PLPP4: variants seen among roughly 807,000 people sequenced by gnomAD.
PLPP4 encodes the protein diacylglycerol pyrophosphate like 2.
Under a neutral mutation model 32.2 loss-of-function variants are expected in PLPP4, and 20 were observed. That is an observed-to-expected ratio of 0.62 (90% confidence interval 0.44 to 0.90). The LOEUF is 0.90. Among genes scored for constraint, PLPP4 ranks in the 40% least tolerant of loss-of-function variants. The probability of loss-of-function intolerance (pLI) is 0.00; values close to 1 mark genes in which losing one functional copy is unlikely to be tolerated. For synonymous variants in PLPP4, 127 were observed against 133.0 expected (o/e 0.95, Z 0.31); for missense variants, 257 against 353.1 (o/e 0.73, Z 2.18).
chr10:120,487,325 A>G (rs1244887364), intron 1 of PLPP4, among the ~76,000 whole-genome samples: 1 of 152,208 alleles, frequency 6.6e-6, no homozygotes, highest in East Asian at 1.9e-4. Context: ...TTGAGATGGG[A>G]AGGCAACTCT....
intron 6 of PLPP4, among the ~76,000 whole-genome samples, chr10:120,585,413 T>A (rs1849705801): frequency 6.6e-6 from 1 of 152,112 alleles, no homozygotes; most frequent in Non-Finnish European, 1.5e-5. Context: ...AGAGGTGAGA[T>A]CTGTAAGCTT....
intron 1 of PLPP4, among the ~76,000 whole-genome samples, chr10:120,492,841 A>G (rs1223845027): frequency 1.3e-5 from 2 of 152,186 alleles, no homozygotes; most frequent in Admixed American, 6.5e-5. Context: ...ATGATCCCCT[A>G]TATGCTCTAC....
intron 3 of PLPP4, among the ~76,000 whole-genome samples, chr10:120,517,199 G>C (rs1328230997): frequency 6.6e-6 from 1 of 152,160 alleles, no homozygotes; most frequent in African/African-American, 2.4e-5. Context: ...GGCCATGCTA[G>C]GACCAGGATG....
chr10:120,567,734 C>T (rs373219741), intron 5 of PLPP4, among the ~76,000 whole-genome samples: 14 of 152,190 alleles, frequency 9.2e-5, no homozygotes, highest in East Asian at 1.9e-4. Flanking sequence ...GCAAAAGTTA[C>T]AAGAGATGAA....
chr10:120,483,683 T>G (rs189330673), intron 1 of PLPP4, among the ~76,000 whole-genome samples: 11 of 152,356 alleles, frequency 7.2e-5, no homozygotes, highest in Admixed American at 7.2e-4. Context: ...ATTGGATCCC[T>G]TAAGAGTAGA....
chr10:120,586,135 CT>C (rs11364962), intron 6 of PLPP4, among the ~76,000 whole-genome samples: 81,730 of 141,568 alleles, frequency 0.58, 23,449 homozygotes, highest in Middle Eastern at 0.76. Context: ...TTCTTTTTTT[CT>C]TTTTTTTTTT....
At chr10:120,543,096 A>G (rs1436828741) in intron 5 of PLPP4, among the ~76,000 whole-genome samples, 1 of 152,134 alleles carries the variant, frequency 6.6e-6, no homozygotes, top group Non-Finnish European at 1.5e-5. Flanking sequence ...CTTGGTAGAG[A>G]TGAGCAGTAG....
At chr10:120,507,569 G>A (rs1226726607) in intron 2 of PLPP4, among the ~76,000 whole-genome samples, 1 of 152,204 alleles carries the variant, frequency 6.6e-6, no homozygotes, top group East Asian at 1.9e-4. Flanking sequence ...TTATACAACT[G>A]TCAGTGGCTG....
At chr10:120,577,765 A>G (rs759378166) in intron 6 of PLPP4, among the ~76,000 whole-genome samples, 7 of 152,180 alleles carry the variant, frequency 4.6e-5, no homozygotes, top group Non-Finnish European at 1.0e-4. Flanking sequence ...CTCTGCCATT[A>G]TGTGTTCAAC....
chr10:120,564,606 G>A (rs1203563291), intron 5 of PLPP4, among the ~76,000 whole-genome samples: 2 of 151,808 alleles, frequency 1.3e-5, no homozygotes, highest in Non-Finnish European at 2.9e-5. Flanking sequence ...TGTAGTTCTA[G>A]GGTATTTGTA....
At chr10:120,552,198 G>GTGTGTGTGTGTGTGTGTGTGTGTT (rs1847938886) in intron 5 of PLPP4, among the ~76,000 whole-genome samples, 2 of 150,620 alleles carry the variant, frequency 1.3e-5, no homozygotes, top group Non-Finnish European at 2.9e-5. Flanking sequence ...GTGTGTGTGT[G>GTGTGTGTGTGTGTGTGTGTGTGTT]TGTGTGTGTG....
chr10:120,511,373 C>A (rs750702848), intron 2 of PLPP4, among the ~76,000 whole-genome samples: 1 of 152,168 alleles, frequency 6.6e-6, no homozygotes, highest in African/African-American at 2.4e-5. Flanking sequence ...CCTTTGGAAG[C>A]CTCATTGGGA....
intron 1 of PLPP4, among the ~76,000 whole-genome samples, chr10:120,500,686 G>GT (rs1845203773): frequency 7.1e-6 from 1 of 139,868 alleles, no homozygotes; most frequent in East Asian, 2.5e-4. Flanking sequence ...GGGGGTGGGG[G>GT]GGTGGGGTGG....
chr10:120,530,700 G>T (rs1846665110), intron 5 of PLPP4, among the ~76,000 whole-genome samples: 1 of 152,136 alleles, frequency 6.6e-6, no homozygotes, highest in Non-Finnish European at 1.5e-5. Flanking sequence ...TAAAAGTGAG[G>T]TCTGTGTTTA....
chr10:120,493,994 C>T (rs192691774), intron 1 of PLPP4, among the ~76,000 whole-genome samples: 6 of 152,198 alleles, frequency 3.9e-5, no homozygotes, highest in South Asian at 2.1e-4. Flanking sequence ...AATAATTCCA[C>T]GAGCTAGCAG....
intron 5 of PLPP4, among the ~76,000 whole-genome samples, chr10:120,552,001 C>G (rs1038871795): frequency 6.6e-6 from 1 of 151,956 alleles, no homozygotes; most frequent in Non-Finnish European, 1.5e-5. Context: ...AGGCCAAAAC[C>G]CAAGTGTGTC....
At chr10:120,516,819 T>G (rs1418654733) in intron 3 of PLPP4, among the ~76,000 whole-genome samples, 1 of 152,200 alleles carries the variant, frequency 6.6e-6, no homozygotes, top group African/African-American at 2.4e-5. Context: ...CACAGCCTTC[T>G]CTGGTATCAA....
chr10:120,540,080 A>T (rs1847267802), intron 5 of PLPP4, among the ~76,000 whole-genome samples: 2 of 151,548 alleles, frequency 1.3e-5, no homozygotes, highest in South Asian at 4.2e-4. Flanking sequence ...TGTCCTAGGG[A>T]TTATTTCCCA....
chr10:120,472,156 A>G (rs572763468), intron 1 of PLPP4, among the ~76,000 whole-genome samples: 2 of 152,204 alleles, frequency 1.3e-5, no homozygotes, highest in East Asian at 1.9e-4. Context: ...ATTTACCAAC[A>G]TATTTATCAT....
Sources: gnomAD v4.1 joint callset for allele counts (sites outside exome capture counted in the v4.1 genomes callset) on GRCh38, gnomAD v4.1.1 for gene constraint, MANE v1.5 for transcripts, NCBI Gene and HGNC (gene_info 2026-07-23, HGNC 2026-07-21) for gene names.